PRELID2: variants seen among roughly 807,000 people sequenced by gnomAD.
The protein encoded by PRELID2 is PRELI domain-containing protein 2.
In PRELID2, 25 loss-of-function variants were observed where a neutral mutation model predicts 28.4. The observed-to-expected ratio is 0.88, with a 90% CI of 0.64 to 1.23. The LOEUF (loss-of-function observed/expected upper bound fraction) is 1.23, where lower values mean the gene tolerates loss of function less well. Among genes scored for constraint, PRELID2 ranks in the 50% most tolerant of loss-of-function variants. PRELID2 has a pLI of 0.00. For synonymous variants in PRELID2, 76 were observed against 71.6 expected, an observed-to-expected ratio of 1.06 and a Z score of -0.31; for missense variants, 201 against 214.4, an observed-to-expected ratio of 0.94 and a Z score of 0.39.
chr5:145,322,873 C>T, the PRELID2 span, among the ~76,000 whole-genome samples: 6 of 151,936 alleles, frequency 3.9e-5, no homozygotes, highest in Admixed American at 6.6e-5. Context: ...CCCAGCTACT[C>T]GGGAGGCTGA....
chr5:145,632,930 A>G (rs184334079), intron 1 of PRELID2, among the ~76,000 whole-genome samples: 2 of 152,340 alleles, frequency 1.3e-5, no homozygotes, highest in Admixed American at 1.3e-4. Context: ...ATCTGCTCCC[A>G]GTCATGAAGG....
At chr5:145,230,586 T>TA in the PRELID2 span, among the ~76,000 whole-genome samples, 221 of 149,400 alleles carry the variant, frequency 1.5e-3, no homozygotes, top group South Asian at 4.3e-3. Flanking sequence ...CTCAAAAAAA[T>TA]AAAAAAAAGA....
chr5:145,715,566 C>A (rs1755819016), intron 1 of PRELID2, among the ~76,000 whole-genome samples: 1 of 152,142 alleles, frequency 6.6e-6, no homozygotes, highest in Non-Finnish European at 1.5e-5. Context: ...GAAATCCAAA[C>A]TTCCCACCCC....
At chr5:145,485,019 A>G (rs559472121) in intron 1 of PRELID2, among the ~76,000 whole-genome samples, 2 of 152,332 alleles carry the variant, frequency 1.3e-5, no homozygotes, top group African/African-American at 4.8e-5. Context: ...GAGCTTCCAG[A>G]CCAGAAGGAA....
the PRELID2 span, among the ~76,000 whole-genome samples, chr5:145,376,899 C>T: frequency 1.3e-5 from 2 of 151,812 alleles, no homozygotes; most frequent in Non-Finnish European, 2.9e-5. Context: ...TAGTTCGTCT[C>T]TGATTTTGGT....
intron 2 of PRELID2, among the ~76,000 whole-genome samples, chr5:145,821,152 G>GGTGTGTGGGTGTGTGTGTGTGTGTGT (rs1754765992): frequency 2.3e-5 from 2 of 88,190 alleles, no homozygotes; most frequent in Admixed American, 1.2e-4. Context: ...AACTCTCCTG[G>GGTGTGTGGGTGTGTGTGTGTGTGTGT]GTGTGTGTGT....
chr5:145,811,009 C>T (rs1198101355), intron 4 of PRELID2, among the ~76,000 whole-genome samples: 1 of 137,268 alleles, frequency 7.3e-6, no homozygotes, highest in African/African-American at 2.7e-5. Flanking sequence ...TTAATGGACT[C>T]ACAGTTCCAC....
chr5:145,379,829 T>C, the PRELID2 span, among the ~76,000 whole-genome samples: 1 of 152,034 alleles, frequency 6.6e-6, no homozygotes, highest in African/African-American at 2.4e-5. Context: ...GCAGAAGCTA[T>C]GGTGTGGGCC....
the PRELID2 span, among the ~76,000 whole-genome samples, chr5:145,249,663 A>G: frequency 3.3e-5 from 5 of 152,164 alleles, no homozygotes; most frequent in Non-Finnish European, 5.9e-5. Flanking sequence ...TTCCTTCAAC[A>G]TTATTTTAAA....
At chr5:145,300,700 C>CTT in the PRELID2 span, among the ~76,000 whole-genome samples, 29,790 of 128,222 alleles carry the variant, frequency 0.23, 4,091 homozygotes, top group Non-Finnish European at 0.32. Context: ...TTTTTATTTA[C>CTT]TTTTTTTTTT....
At chr5:145,604,924 ATATTCTT>A (rs1436262940) in intron 1 of PRELID2, among the ~76,000 whole-genome samples, 2 of 128,886 alleles carry the variant, frequency 1.6e-5, no homozygotes, top group East Asian at 4.4e-4. Flanking sequence ...TTATATATAT[ATATTCTT>A]CTGTATATAT....
At chr5:145,689,691 A>G (rs1287741242) in intron 1 of PRELID2, among the ~76,000 whole-genome samples, 1 of 152,188 alleles carries the variant, frequency 6.6e-6, no homozygotes, top group Non-Finnish European at 1.5e-5. Flanking sequence ...GAGGGGAGCA[A>G]AAAAAGGAGA....
chr5:145,300,744 T>G, the PRELID2 span, among the ~76,000 whole-genome samples: 1 of 150,490 alleles, frequency 6.6e-6, no homozygotes, highest in East Asian at 2.0e-4. Flanking sequence ...TTAGGGTATA[T>G]CCCACTAAGA....
intron 5 of PRELID2, among the ~76,000 whole-genome samples, chr5:145,783,077 T>C (rs930722562): frequency 6.6e-6 from 1 of 152,180 alleles, no homozygotes; most frequent in Non-Finnish European, 1.5e-5. Flanking sequence ...CTTTCTCCCA[T>C]CACTGTGCTC....
rs1189038950 is a variant in PRELID2, at chr5:145,807,377, T to C, written c.368+10517A>G. ...TACTCTACTTTTCAAAATTAGTAAC[T>C]TTAAACAGTCACCACACTTTGAAAA... is the stretch of plus-strand genomic sequence containing the variant. On this transcript the variant is annotated intron_variant, in intron 4 of 6. Coordinates refer to ENST00000683046, the MANE Select transcript of PRELID2 (RefSeq NM_205846.3). 2.0e-5 allele frequency among the ~76,000 whole-genome samples: 3 copies of C among 152,208 alleles called. 1 individual carries two copies. Among genetic ancestry groups the C allele is most frequent in the African/African-American group, 7.2e-5 (3 of 41,462 alleles).
intron 1 of PRELID2, among the ~76,000 whole-genome samples, chr5:145,535,947 C>G (rs1278605740): frequency 6.6e-6 from 1 of 151,828 alleles, no homozygotes; most frequent in Non-Finnish European, 1.5e-5. Flanking sequence ...CCATTACAAC[C>G]AATTCCTCTG....
At chr5:145,247,515 C>T in the PRELID2 span, among the ~76,000 whole-genome samples, 1 of 152,106 alleles carries the variant, frequency 6.6e-6, no homozygotes, top group Non-Finnish European at 1.5e-5. Flanking sequence ...GAAAAAAGAA[C>T]AGAAAAGGAT....
At chr5:145,432,476 T>G in the PRELID2 span, among the ~76,000 whole-genome samples, 1 of 148,622 alleles carries the variant, frequency 6.7e-6, no homozygotes, top group Admixed American at 6.7e-5. Flanking sequence ...GAATAAAGTA[T>G]CTCCAAGTAA....
chr5:145,466,118 A>C, the PRELID2 span, among the ~76,000 whole-genome samples: 1 of 152,118 alleles, frequency 6.6e-6, no homozygotes, highest in Non-Finnish European at 1.5e-5. Flanking sequence ...TGGAAGAAAA[A>C]AAAAGTCCTT....
Sources: gnomAD v4.1 joint callset for allele counts (sites outside exome capture counted in the v4.1 genomes callset) on GRCh38, gnomAD v4.1.1 for gene constraint, MANE v1.5 for transcripts, NCBI Gene and HGNC (gene_info 2026-07-23, HGNC 2026-07-21) for gene names.